Variants in NRXN3 observed in about 807,000 individuals in gnomAD.
The protein encoded by NRXN3 is neurexin 3.
A neutral mutation model predicts 137.6 loss-of-function variants in NRXN3; 32 were observed. The ratio of observed to expected loss-of-function variants is 0.23; its 90% CI spans 0.18 to 0.31. The LOEUF is 0.31. Ranked by LOEUF, NRXN3 falls within the 10% of genes least tolerant of loss-of-function variation. The pLI, the probability that NRXN3 is intolerant of heterozygous loss-of-function variation, is 1.00. For missense variants in NRXN3, 1,574 were observed against 2,062.5 expected (o/e 0.76, Z 4.59); for synonymous variants, 798 against 784.5 (o/e 1.02, Z -0.29).
chr14:79,669,242 A>G (rs565183610), intron 17 of NRXN3: 1 of 152,256 alleles, frequency 6.6e-6, no homozygotes, highest in East Asian at 1.9e-4. Context: ...TATAAATACA[A>G]TCAAGAAGGA....
intron 19 of NRXN3, among the ~76,000 whole-genome samples, chr14:79,800,972 C>T (rs1005256429): frequency 6.6e-6 from 1 of 152,138 alleles, no homozygotes; most frequent in African/African-American, 2.4e-5. Flanking sequence ...AATTCTAAGC[C>T]TTTTTGCAAA....
chr14:79,134,560 A>G (rs1201857312), intron 15 of NRXN3, among the ~76,000 whole-genome samples: 1 of 152,204 alleles, frequency 6.6e-6, no homozygotes, highest in Non-Finnish European at 1.5e-5. Context: ...ACATAATGCT[A>G]TGCTTCTCAT....
At chr14:78,888,404 G>A (rs1403392109) in intron 10 of NRXN3, among the ~76,000 whole-genome samples, 1 of 150,442 alleles carries the variant, frequency 6.6e-6, no homozygotes, top group Admixed American at 6.6e-5. Flanking sequence ...GCTTATTTAA[G>A]ACATAATACC....
intron 4 of NRXN3, among the ~76,000 whole-genome samples, chr14:78,314,888 T>C (rs879440188): frequency 4.2e-4 from 34 of 81,926 alleles, no homozygotes; most frequent in South Asian, 3.7e-3. Context: ...GTTCTTTCTT[T>C]CTTTCTCTTT....
In NRXN3 at chr14:79,546,255, C is replaced by T. The variant is rs139731774; in HGVS notation, c.3444+78853C>T. 3.8e-3 allele frequency among the ~76,000 whole-genome samples: 577 copies of T among 152,192 alleles called. 3 individuals are homozygous for T. Among genetic ancestry groups the T allele is most frequent in the African/African-American group, 0.013 (550 of 41,524 alleles). On this transcript the variant is annotated intron_variant, in intron 16 of 20. Transcript: ENST00000335750. ...TTTTGCAAGTTATGCAATTTTGGGC[C>T]ATAGATTCCTTTATTCTGAAGTGGA...
intron 20 of NRXN3, among the ~76,000 whole-genome samples, chr14:79,819,482 C>CTGTTTTTTTTT (rs2099263805): frequency 1.4e-5 from 1 of 71,904 alleles, no homozygotes; most frequent in South Asian, 7.0e-4. Flanking sequence ...ACATTAAAAG[C>CTGTTTTTTTTT]TTTTTTTTTT....
chr14:79,804,129 C>G (rs1253405448), intron 19 of NRXN3, among the ~76,000 whole-genome samples: 1 of 151,654 alleles, frequency 6.6e-6, no homozygotes, highest in Non-Finnish European at 1.5e-5. Flanking sequence ...GGAAGATCAA[C>G]AAGTCAGTAA....
chr14:79,818,209 A>G (rs894546544), intron 20 of NRXN3, among the ~76,000 whole-genome samples: 3 of 151,952 alleles, frequency 2.0e-5, no homozygotes, highest in African/African-American at 7.3e-5. Context: ...GCCCGCCACC[A>G]CGCCTGGCTA....
chr14:79,141,843 G>C (rs1254567001), intron 15 of NRXN3, among the ~76,000 whole-genome samples: 1 of 152,158 alleles, frequency 6.6e-6, no homozygotes, highest in Non-Finnish European at 1.5e-5. Context: ...AATAGCCTCT[G>C]TTGGTGGCCT....
At position 79,867,802 on chromosome 14, in the gene NRXN3, C is replaced by T. The variant is rs2099418624; in HGVS notation, c.*5838C>T. 6.6e-6 allele frequency: 1 copy of T among 152,110 alleles called. No homozygotes were observed. The highest frequency in any genetic ancestry group is 1.5e-5 in the Non-Finnish European group (1 of 68,074). The allele number at this position is 152,110 out of a possible 1,614,324, so 9.4% of individuals were successfully genotyped here. On this transcript the variant is annotated 3_prime_UTR_variant, in exon 21 of 21. Coordinates refer to ENST00000335750, the MANE Select transcript of NRXN3 (RefSeq NM_001330195.2). Reference sequence around the variant, plus strand: ...AATAATTCCAAGAGACACCAAGCCACAGAGCAGGTAGGATCACGTGAGTAG... The same window carrying T: ...AATAATTCCAAGAGACACCAAGCCATAGAGCAGGTAGGATCACGTGAGTAG...
chr14:79,340,448 GA>G (rs2092545131), intron 15 of NRXN3, among the ~76,000 whole-genome samples: 1 of 152,014 alleles, frequency 6.6e-6, no homozygotes, highest in Non-Finnish European at 1.5e-5. Flanking sequence ...TTGGATATTT[GA>G]CTTTTTATTT....
At chr14:79,535,778 A>G (rs183694487) in intron 16 of NRXN3, among the ~76,000 whole-genome samples, 1 of 152,244 alleles carries the variant, frequency 6.6e-6, no homozygotes, top group East Asian at 1.9e-4. Context: ...AACACACCCT[A>G]GGTTTGTCTG....
intron 10 of NRXN3, among the ~76,000 whole-genome samples, chr14:78,821,733 C>G (rs1198339196): frequency 1.3e-5 from 2 of 152,008 alleles, no homozygotes; most frequent in East Asian, 3.9e-4. Context: ...CCGGTTATCT[C>G]TGGCTAGAGA....
intron 15 of NRXN3, among the ~76,000 whole-genome samples, chr14:79,447,880 T>C (rs747207797): frequency 1.8e-4 from 28 of 152,230 alleles, no homozygotes; most frequent in Non-Finnish European, 3.4e-4. Flanking sequence ...CTCATACATG[T>C]GTTCTTCATA....
intron 4 of NRXN3, among the ~76,000 whole-genome samples, chr14:78,393,077 A>G (rs981404798): frequency 2.7e-4 from 41 of 152,214 alleles, no homozygotes; most frequent in African/African-American, 9.9e-4. Flanking sequence ...ATCTACCAGA[A>G]AAGAGAAAAC....
intron 15 of NRXN3, among the ~76,000 whole-genome samples, chr14:79,045,766 C>T (rs2099632176): frequency 6.6e-6 from 1 of 152,182 alleles, no homozygotes; most frequent in Non-Finnish European, 1.5e-5. Flanking sequence ...TTTGCCTCCT[C>T]CAGTTGCCGC....
intron 15 of NRXN3, among the ~76,000 whole-genome samples, chr14:79,085,270 G>T (rs1457881411): frequency 6.6e-6 from 1 of 152,126 alleles, no homozygotes; most frequent in Non-Finnish European, 1.5e-5. Flanking sequence ...CTGTTAAATA[G>T]TTGTTTAATT....
chr14:79,359,118 A>T (rs1003568675), intron 15 of NRXN3, among the ~76,000 whole-genome samples: 3 of 152,234 alleles, frequency 2.0e-5, no homozygotes, highest in Non-Finnish European at 4.4e-5. Flanking sequence ...AGTTTCCATA[A>T]TCGAAAATGT....
At chr14:79,527,870 C>T (rs2097135104) in intron 16 of NRXN3, among the ~76,000 whole-genome samples, 1 of 22,172 alleles carries the variant, frequency 4.5e-5, no homozygotes, top group Non-Finnish European at 8.8e-5. Context: ...GACTCCTTCG[C>T]CAAAAAAAAA....
Sources: gnomAD v4.1 joint callset for allele counts (sites outside exome capture counted in the v4.1 genomes callset) on GRCh38, gnomAD v4.1.1 for gene constraint, MANE v1.5 for transcripts, NCBI Gene and HGNC (gene_info 2026-07-23, HGNC 2026-07-21) for gene names.